Variants in TENM3 observed in about 807,000 individuals in gnomAD.
TENM3 encodes the protein teneurin transmembrane protein 3, also known as teneurin-3.
A neutral mutation model predicts 255.1 loss-of-function variants in TENM3; 63 were observed. The observed-to-expected ratio is 0.25, with a 90% CI of 0.20 to 0.30. The LOEUF (loss-of-function observed/expected upper bound fraction) is 0.30. TENM3 is among the 10% of genes least tolerant of loss of function. TENM3 has a pLI of 1.00. For missense variants in TENM3, 2,929 were observed against 3,461.1 expected, an observed-to-expected ratio of 0.85 and a Z score of 3.86; for synonymous variants, 1,306 against 1,322.3, an observed-to-expected ratio of 0.99 and a Z score of 0.27.
chr4:181,773,160 T>G, the TENM3 span, among the ~76,000 whole-genome samples: 1 of 152,178 alleles, frequency 6.6e-6, no homozygotes, highest in Non-Finnish European at 1.5e-5. Context: ...TTCTTCAGGT[T>G]AAGTCTCAGC....
intron 1 of TENM3, among the ~76,000 whole-genome samples, chr4:182,308,897 A>G (rs1027799422): frequency 7.8e-6 from 1 of 128,580 alleles, no homozygotes; most frequent in African/African-American, 3.2e-5. Flanking sequence ...TGTGTTTAAA[A>G]ACAAACAATA....
intron 4 of TENM3, among the ~76,000 whole-genome samples, chr4:182,622,757 A>G (rs1441540286): frequency 2.0e-5 from 3 of 152,274 alleles, no homozygotes; most frequent in African/African-American, 7.2e-5. Context: ...TTCCTCGTCT[A>G]CATAATAGTC....
At chr4:182,570,376 A>G (rs967342353) in intron 3 of TENM3, among the ~76,000 whole-genome samples, 2 of 152,200 alleles carry the variant, frequency 1.3e-5, no homozygotes, top group Admixed American at 1.3e-4. Context: ...ATAGGAAGAA[A>G]GAATACCACA....
Position 182,741,767 on chromosome 4 carries a change from CCT to C in TENM3, c.3380-1402_3380-1401del, listed in dbSNP as rs141249698. ...ATTTGAATAAACCTGTTTTATTTTC[CCT>C]GATTTCTTTATGTAAATTTGCTATG... On this transcript the variant is annotated intron_variant, in intron 18 of 27. Transcript: ENST00000511685. Among the ~76,000 whole-genome samples, 1,007 of 152,090 alleles carry C rather than the reference CCT, an allele frequency of 6.6e-3. 6 individuals carry two copies. The highest frequency in any genetic ancestry group is 0.023 in the African/African-American group (957 of 41,482).
chr4:182,520,858 A>G (rs550420874), intron 3 of TENM3, among the ~76,000 whole-genome samples: 42 of 152,252 alleles, frequency 2.8e-4, no homozygotes, highest in Non-Finnish European at 2.9e-4. Context: ...CCATAGTTCT[A>G]ATTATTTTTT....
At chr4:181,952,917 G>A in the TENM3 span, among the ~76,000 whole-genome samples, 4 of 152,330 alleles carry the variant, frequency 2.6e-5, no homozygotes, top group South Asian at 2.1e-4. Context: ...TCCCTGGCTA[G>A]GCCTTTCTGT....
At chr4:182,090,948 T>C in the TENM3 span, among the ~76,000 whole-genome samples, 2 of 152,354 alleles carry the variant, frequency 1.3e-5, no homozygotes, top group Non-Finnish European at 1.5e-5. Flanking sequence ...AAAATGGCAC[T>C]GTTATCCTAA....
At chr4:181,744,070 C>T in the TENM3 span, among the ~76,000 whole-genome samples, 5,931 of 152,172 alleles carry the variant, frequency 0.039, 175 homozygotes, top group Middle Eastern at 0.13. Context: ...TGAGAACATG[C>T]GGCGTTTGGT....
the TENM3 span, among the ~76,000 whole-genome samples, chr4:181,515,219 C>T: frequency 6.6e-6 from 1 of 152,180 alleles, no homozygotes. Context: ...TCCCCCGGCT[C>T]ACATTTTTCT....
rs545802784 is a variant in TENM3 at position 182,720,078 on chromosome 4, AC to A, written c.2368+5846del. Among the ~76,000 whole-genome samples the A allele has an allele frequency of 1.6e-3, 243 of 152,182 alleles. 4 individuals carry two copies. The South Asian group carries it at 0.021, about 13-fold the overall frequency. On this transcript the variant is annotated intron_variant, in intron 13 of 27. Transcript: ENST00000511685. ...CCCTGTCTCTCACACACACACACAC[AC>A]AAACAAACTGCAATAAAAAGTAGGA... is the stretch of plus-strand genomic sequence containing the variant.
chr4:181,570,207 G>A, the TENM3 span, among the ~76,000 whole-genome samples: 3 of 151,676 alleles, frequency 2.0e-5, no homozygotes, highest in Admixed American at 6.6e-5. Flanking sequence ...CACCGCGCCC[G>A]GCTAATTTTT....
intron 1 of TENM3, among the ~76,000 whole-genome samples, chr4:182,227,849 T>G (rs1756279024): frequency 6.6e-6 from 1 of 151,984 alleles, no homozygotes; most frequent in Non-Finnish European, 1.5e-5. Context: ...GAACGCATAC[T>G]AAGGGTAAGG....
At chr4:181,766,520 C>T in the TENM3 span, among the ~76,000 whole-genome samples, 1 of 152,076 alleles carries the variant, frequency 6.6e-6, no homozygotes, top group Non-Finnish European at 1.5e-5. Flanking sequence ...TACAGAAAAG[C>T]AGCTTGGGGT....
At chr4:181,531,812 ACTG>A in the TENM3 span, among the ~76,000 whole-genome samples, 1 of 152,222 alleles carries the variant, frequency 6.6e-6, no homozygotes, top group African/African-American at 2.4e-5. Context: ...TCCCTGAGGC[ACTG>A]CTGCTTAAGC....
At chr4:182,651,460 G>T (rs1273378261) in intron 5 of TENM3, among the ~76,000 whole-genome samples, 1 of 152,160 alleles carries the variant, frequency 6.6e-6, no homozygotes, top group Admixed American at 6.5e-5. Context: ...GGAGGCCGAG[G>T]CATGCGGATT....
the TENM3 span, among the ~76,000 whole-genome samples, chr4:181,710,897 A>G: frequency 3.3e-5 from 5 of 152,008 alleles, no homozygotes; most frequent in Admixed American, 1.3e-4. Context: ...AAGAAAAAAA[A>G]AAAAAGAGAA....
At chr4:181,534,655 C>T in the TENM3 span, among the ~76,000 whole-genome samples, 17 of 152,078 alleles carry the variant, frequency 1.1e-4, no homozygotes, top group Non-Finnish European at 1.8e-4. Flanking sequence ...GAGCTGTGTT[C>T]CCAGAGTACC....
intron 11 of TENM3, among the ~76,000 whole-genome samples, chr4:182,683,033 A>G (rs1041247124): frequency 2.6e-5 from 4 of 152,156 alleles, no homozygotes; most frequent in African/African-American, 9.7e-5. Context: ...TTATTTAATG[A>G]TGGTGGTAGT....
chr4:181,772,034 C>T, the TENM3 span, among the ~76,000 whole-genome samples: 2,563 of 152,208 alleles, frequency 0.017, 79 homozygotes, highest in African/African-American at 0.059. Flanking sequence ...TAGCACAACA[C>T]GTACTGTATA....
Sources: gnomAD v4.1 joint callset for allele counts (sites outside exome capture counted in the v4.1 genomes callset) on GRCh38, gnomAD v4.1.1 for gene constraint, MANE v1.5 for transcripts, NCBI Gene and HGNC (gene_info 2026-07-23, HGNC 2026-07-21) for gene names.